Variants in DCUN1D5 observed in about 807,000 individuals in gnomAD.
DCUN1D5 encodes defective in cullin neddylation 1 domain containing 5.
DCUN1D5 carries 10 observed loss-of-function variants against 38.3 expected under a neutral mutation model. The ratio of observed to expected loss-of-function variants is 0.26; its 90% CI spans 0.16 to 0.44. The LOEUF is 0.44. Among genes scored for constraint, DCUN1D5 ranks in the 20% least tolerant of loss-of-function variants. The pLI is 1.00. For missense variants in DCUN1D5, 148 were observed against 275.3 expected (o/e 0.54, Z 3.27); for synonymous variants, 93 against 90.9 (o/e 1.02, Z -0.13).
intron 4 of DCUN1D5, among the ~76,000 whole-genome samples, chr11:103,076,557 G>T (rs1862411585): frequency 6.6e-6 from 1 of 152,156 alleles, no homozygotes; most frequent in Non-Finnish European, 1.5e-5. Context: ...TCTATTTCTG[G>T]TCATGTGGCT....
intron 4 of DCUN1D5, among the ~76,000 whole-genome samples, chr11:103,076,297 T>C (rs1439166235): frequency 6.6e-6 from 1 of 152,220 alleles, no homozygotes; most frequent in Non-Finnish European, 1.5e-5. Flanking sequence ...AATTATATAA[T>C]GTTTCAAAAT....
In DCUN1D5 at chr11:103,085,393, C is replaced by T. The variant is rs1028541377; in HGVS notation, c.179-2067G>A. Among the ~76,000 whole-genome samples, 5 of 152,068 alleles carry T rather than the reference C, an allele frequency of 3.3e-5. No homozygotes were observed. In the East Asian group the frequency reaches 5.8e-4, roughly 18 times the overall value. ...CAGAGGTTGCAGTGAGCCGAGATTG[C>T]GCCACTGCACTCCAGCGTAGGTGAC... On this transcript the variant is annotated intron_variant, in intron 2 of 7. Coordinates refer to ENST00000260247, the MANE Select transcript of DCUN1D5 (RefSeq NM_032299.4).
At position 103,092,151 on chromosome 11, in the gene DCUN1D5, C is replaced by A; in HGVS notation, c.-279G>T. ...CGGACAGCGCGGCAGCTCCACCAGT[C>A]ACAGCAAGCAAGAGGCTCAGCCTAA... On this transcript the variant is annotated 5_prime_UTR_variant, in exon 1 of 8. Transcript: ENST00000260247. The A allele has an allele frequency of 2.5e-6, 1 of 406,308 alleles. No individual in the cohort carries two copies. The allele number at this position is 406,308 out of a possible 1,614,324, so 25.2% of individuals were successfully genotyped here.
intron 4 of DCUN1D5, among the ~76,000 whole-genome samples, chr11:103,075,027 T>C (rs773761975): frequency 4.6e-5 from 7 of 152,206 alleles, no homozygotes; most frequent in South Asian, 2.1e-4. Flanking sequence ...GGTCAGATAG[T>C]GAATTCCAGC....
rs1020933934 is a variant in DCUN1D5, at chr11:103,055,633, C to T, written c.*6726G>A. Reference sequence around the variant, plus strand: ...GTATATGTGTGGTAGAAAATGTTAACATTTTATTTCTATTTGAAAAATCAC... The same window carrying T: ...GTATATGTGTGGTAGAAAATGTTAATATTTTATTTCTATTTGAAAAATCAC... On this transcript the variant is annotated 3_prime_UTR_variant, in exon 8 of 8. Coordinates refer to ENST00000260247, the MANE Select transcript of DCUN1D5 (RefSeq NM_032299.4). The T allele has an allele frequency of 1.3e-5, 2 of 152,228 alleles. No homozygotes were observed. Among genetic ancestry groups the T allele is most frequent in the African/African-American group, 2.4e-5 (1 of 41,550 alleles). The allele number at this position is 152,228 out of a possible 1,614,324, so 9.4% of individuals were successfully genotyped here.
chr11:103,089,337 G>A lies in DCUN1D5; in HGVS notation c.87-19C>T. 9 of 1,576,166 alleles carry A rather than the reference G, an allele frequency of 5.7e-6. No individual in the cohort carries two copies. The highest frequency in any genetic ancestry group is 6.1e-6 in the Non-Finnish European group (7 of 1,155,066). ...GCAATAGCTTAGAAAACACACAGAC[G>A]CCTAAGATTTTTATCACATCTCAAC... is the stretch of plus-strand genomic sequence containing the variant. On this transcript the variant is annotated intron_variant, in intron 1 of 7. Transcript: ENST00000260247.
rs900581799 is a variant in DCUN1D5 at position 103,077,051 on chromosome 11, T to G, written c.341+5697A>C. Among the ~76,000 whole-genome samples, 1 of 151,920 alleles carries G rather than the reference T, an allele frequency of 6.6e-6. No individual in the cohort carries two copies. The highest frequency in any genetic ancestry group is 2.4e-5 in the African/African-American group (1 of 41,364). ...GTCTCTACTAAAAATACAAAAAAAA[T>G]TAGCTGGGTGTGGTGGCGGGTGCCT... is the stretch of plus-strand genomic sequence containing the variant. On this transcript the variant is annotated intron_variant, in intron 4 of 7. Transcript: ENST00000260247. The surrounding 1 kb of genome is among the most constrained non-coding windows in gnomAD (Gnocchi z 4.3).
rs763420430 is a variant in DCUN1D5 at position 103,078,226 on chromosome 11, A to G, written c.341+4522T>C. Among the ~76,000 whole-genome samples the G allele has an allele frequency of 4.6e-5, 7 of 152,188 alleles. No individual in the cohort carries two copies. Among genetic ancestry groups the G allele is most frequent in the Non-Finnish European group, 1.0e-4 (7 of 68,042 alleles). On this transcript the variant is annotated intron_variant, in intron 4 of 7. Coordinates refer to ENST00000260247, the MANE Select transcript of DCUN1D5 (RefSeq NM_032299.4). The surrounding 1 kb of genome is among the most constrained non-coding windows in gnomAD (Gnocchi z 4.6). The stretch of plus-strand genomic sequence containing the variant: ...CAAGTACGGTCCTCTTCAAAGGTCT[A>G]TATTCAGTTTTCTCCACTGGTATAG...
chr11:103,091,196 G>C lies in DCUN1D5; in HGVS notation c.86+591C>G, dbSNP rs973538405. Among the ~76,000 whole-genome samples, 2 of 152,058 alleles carry C rather than the reference G, an allele frequency of 1.3e-5. No homozygotes were observed. The highest frequency in any genetic ancestry group is 2.4e-5 in the African/African-American group (1 of 41,408). ...CTGCACACAGGGACTTGGCATAGGT[G>C]AGGCACTATACTTCCAGAAAATGGG... On this transcript the variant is annotated intron_variant, in intron 1 of 7. Transcript: ENST00000260247. The surrounding 1 kb of genome is among the most constrained non-coding windows in gnomAD (Gnocchi z 4.3).
At position 103,091,773 on chromosome 11, in the gene DCUN1D5, G is replaced by C; in HGVS notation, c.86+14C>G. On this transcript the variant is annotated intron_variant, in intron 1 of 7. Transcript: ENST00000260247. This position sits in a 1 kb window ranked among gnomAD's most constrained non-coding sequence, Gnocchi z 4.3. ...AGGGAGGAGGGAAGCTTGAAGGGTG[G>C]GGGGAGATGGTACCTGGAGATTTTA... is the stretch of plus-strand genomic sequence containing the variant. 1 of 1,614,054 alleles carries C rather than the reference G, an allele frequency of 6.2e-7. No homozygotes were observed. Among genetic ancestry groups the C allele is most frequent in the Non-Finnish European group, 8.5e-7 (1 of 1,179,926 alleles).
rs1862002443 is a variant in DCUN1D5, at chr11:103,061,244, AATG to A, written c.*1112_*1114del. ...CCTCTTTACTTCTCTCTACTCAAAC[AATG>A]ACACTAGAAATGTTTCTGAAGTTGT... On this transcript the variant is annotated 3_prime_UTR_variant, in exon 8 of 8. Transcript: ENST00000260247. Among the ~76,000 whole-genome samples the A allele has an allele frequency of 6.6e-6, 1 of 152,176 alleles. No individual in the cohort carries two copies. Among genetic ancestry groups the A allele is most frequent in the Admixed American group, 6.5e-5 (1 of 15,276 alleles).
In DCUN1D5 at chr11:103,073,180, G is replaced by A. The variant is rs900454968; in HGVS notation, c.342-6613C>T. 6.6e-6 allele frequency among the ~76,000 whole-genome samples: 1 copy of A among 151,914 alleles called. No homozygotes were observed. The highest frequency in any genetic ancestry group is 6.6e-5 in the Admixed American group (1 of 15,244). Reference sequence around the variant, plus strand: ...ATACTTAGGTGTAATTCTAACAAAAGATGTACAGGACGTATATGCCGAAAA... The same window carrying A: ...ATACTTAGGTGTAATTCTAACAAAAAATGTACAGGACGTATATGCCGAAAA... On this transcript the variant is annotated intron_variant, in intron 4 of 7. Transcript: ENST00000260247. This position sits in a 1 kb window ranked among gnomAD's most constrained non-coding sequence, Gnocchi z 4.2.
Position 103,060,618 on chromosome 11 carries a change from A to C in DCUN1D5, c.*1741T>G, listed in dbSNP as rs1330072289. ...CTTTCATAAATATACCTTTTAAAAAACATGTCATCTATAAGCTTTAAGTGT... is the reference window on the plus strand; with the variant it reads ...CTTTCATAAATATACCTTTTAAAAACCATGTCATCTATAAGCTTTAAGTGT... On this transcript the variant is annotated 3_prime_UTR_variant, in exon 8 of 8. Coordinates refer to ENST00000260247, the MANE Select transcript of DCUN1D5 (RefSeq NM_032299.4). 1.3e-5 allele frequency among the ~76,000 whole-genome samples: 2 copies of C among 152,160 alleles called. No individual in the cohort carries two copies. The highest frequency in any genetic ancestry group is 1.9e-4 in the East Asian group (1 of 5,200).
intron 4 of DCUN1D5, among the ~76,000 whole-genome samples, chr11:103,080,976 T>G (rs982859818): frequency 6.6e-6 from 1 of 151,626 alleles, no homozygotes; most frequent in Non-Finnish European, 1.5e-5. Context: ...GCCACTGTAC[T>G]GTAGCCTGGC....
Position 103,063,793 on chromosome 11 carries a change from A to G in DCUN1D5, c.658+482T>C, listed in dbSNP as rs1270040889. 6.6e-6 allele frequency among the ~76,000 whole-genome samples: 1 copy of G among 152,160 alleles called. No homozygotes were observed. Among genetic ancestry groups the G allele is most frequent in the African/African-American group, 2.4e-5 (1 of 41,458 alleles). On this transcript the variant is annotated intron_variant, in intron 7 of 7. Coordinates refer to ENST00000260247, the MANE Select transcript of DCUN1D5 (RefSeq NM_032299.4). The surrounding 1 kb of genome is among the most constrained non-coding windows in gnomAD (Gnocchi z 4.6). ...CTTGACGGATTGAAAAATTATAACTATTTCACTATCAGTTAGCTCACAATC... is the reference window on the plus strand; with the variant it reads ...CTTGACGGATTGAAAAATTATAACTGTTTCACTATCAGTTAGCTCACAATC...
intron 4 of DCUN1D5, among the ~76,000 whole-genome samples, chr11:103,070,938 T>G (rs779747612): frequency 6.6e-6 from 1 of 152,026 alleles, no homozygotes; most frequent in Non-Finnish European, 1.5e-5. Flanking sequence ...CTCCAAACAC[T>G]TGGAAACTAA....
rs1158722759 is a variant in DCUN1D5, at chr11:103,061,411, A to G, written c.*948T>C. Among the ~76,000 whole-genome samples the G allele has an allele frequency of 1.3e-5, 2 of 152,098 alleles. No homozygotes were observed. The highest frequency in any genetic ancestry group is 3.9e-4 in the East Asian group (2 of 5,190). ...GGAAAGCCTTCCCTTTCCTCAAGAC[A>G]CTTGATTACCAACAGGCAGAAAATT... is the stretch of plus-strand genomic sequence containing the variant. On this transcript the variant is annotated 3_prime_UTR_variant, in exon 8 of 8. Transcript: ENST00000260247.
At chr11:103,085,875 A>G (rs1386191139) in intron 2 of DCUN1D5, among the ~76,000 whole-genome samples, 4 of 152,226 alleles carry the variant, frequency 2.6e-5, no homozygotes, top group African/African-American at 7.2e-5. Flanking sequence ...AGGACTATGC[A>G]ATTCCAACCT....
rs964705199 is a variant in DCUN1D5 at position 103,052,951 on chromosome 11, A to G, written c.*9408T>C. ...AGTTCCTTTGAGGTTTTTCAGAAAT[A>G]ATACTAGCAGCGAGGAAGACAGGGA... On this transcript the variant is annotated 3_prime_UTR_variant, in exon 8 of 8. Transcript: ENST00000260247. 5 of 152,146 alleles carry G rather than the reference A, an allele frequency of 3.3e-5. No homozygotes were observed. The highest frequency in any genetic ancestry group is 5.9e-5 in the Non-Finnish European group (4 of 67,994). The allele number at this position is 152,146 out of a possible 1,614,324, so 9.4% of individuals were successfully genotyped here. A position where few individuals can be genotyped will look rare whatever the true frequency, so the allele number is the denominator to read the frequency against.
Sources: gnomAD v4.1 joint callset for allele counts (sites outside exome capture counted in the v4.1 genomes callset) on GRCh38, gnomAD v4.1.1 for gene constraint, Gnocchi (gnomAD v3.1) non-coding constraint, MANE v1.5 for transcripts, NCBI Gene and HGNC (gene_info 2026-07-23, HGNC 2026-07-21) for gene names.